Variants in TAMM41 observed in about 807,000 individuals in gnomAD.
The protein encoded by TAMM41 is TAM41 mitochondrial translocator assembly and maintenance homolog, also known as phosphatidate cytidylyltransferase, mitochondrial.
Under a neutral mutation model 44.1 loss-of-function variants are expected in TAMM41, and 36 were observed. The ratio of observed to expected loss-of-function variants is 0.82; its 90% confidence interval spans 0.63 to 1.08. The LOEUF is 1.08. Among genes scored for constraint, TAMM41 ranks in the 50% least tolerant of loss-of-function variants. The probability of loss-of-function intolerance (pLI) is 0.00; values close to 1 mark genes in which losing one functional copy is unlikely to be tolerated. For synonymous variants in TAMM41, 164 were observed against 153.1 expected (o/e 1.07, Z -0.53); for missense variants, 417 against 404.3 (o/e 1.03, Z -0.27).
At chr3:11,819,383 G>C (rs1331754864) in intron 4 of TAMM41, among the ~76,000 whole-genome samples, 1 of 152,202 alleles carries the variant, frequency 6.6e-6, no homozygotes, top group Non-Finnish European at 1.5e-5. Flanking sequence ...CAAAGACAGT[G>C]ATTAAGAAAC....
At chr3:11,762,184 G>A in the TAMM41 span, among the ~76,000 whole-genome samples, 1 of 152,052 alleles carries the variant, frequency 6.6e-6, no homozygotes, top group Non-Finnish European at 1.5e-5. Flanking sequence ...ACATGTTTCA[G>A]TATAGTGGGT....
intron 7 of TAMM41, among the ~76,000 whole-genome samples, chr3:11,803,681 A>C (rs2077820405): frequency 6.6e-6 from 1 of 152,260 alleles, no homozygotes; most frequent in South Asian, 2.1e-4. Context: ...CAAAGTGTCC[A>C]TCAATGGAGG....
chr3:11,829,898 C>T (rs751410764), intron 3 of TAMM41, 34 bp from the exon 4 acceptor site: 20 of 1,607,380 alleles, frequency 1.2e-5, no homozygotes, highest in Non-Finnish European at 1.1e-5. Flanking sequence ...AGAAAAATTC[C>T]AGAAGTGGAG....
chr3:11,760,645 C>A, the TAMM41 span, among the ~76,000 whole-genome samples: 11 of 152,052 alleles, frequency 7.2e-5, no homozygotes, highest in African/African-American at 2.7e-4. Context: ...ACTGCAACCT[C>A]CACCTCCCGG....
At chr3:11,838,240 A>C (rs1453043051) in intron 3 of TAMM41, among the ~76,000 whole-genome samples, 1 of 152,156 alleles carries the variant, frequency 6.6e-6, no homozygotes, top group East Asian at 1.9e-4. Context: ...TTTAAGACGG[A>C]GTCTCACTCT....
intron 2 of TAMM41, among the ~76,000 whole-genome samples, chr3:11,842,858 T>C (rs1453338865): frequency 6.6e-6 from 1 of 152,116 alleles, no homozygotes; most frequent in Non-Finnish European, 1.5e-5. Context: ...GAAACCCATA[T>C]GTCATCCCTG....
the TAMM41 span, among the ~76,000 whole-genome samples, chr3:11,722,377 G>T: frequency 6.6e-6 from 1 of 151,912 alleles, no homozygotes; most frequent in Non-Finnish European, 1.5e-5. Flanking sequence ...GTAAGAAAAA[G>T]GGGGGTTGTT....
chr3:11,827,559 T>C (rs2078806895), intron 4 of TAMM41, among the ~76,000 whole-genome samples: 1 of 150,164 alleles, frequency 6.7e-6, no homozygotes, highest in African/African-American at 2.5e-5. Flanking sequence ...TCTGCCTGCC[T>C]TGGCCTCTCA....
intron 4 of TAMM41, among the ~76,000 whole-genome samples, chr3:11,829,509 C>A (rs907405374): frequency 6.6e-6 from 1 of 152,112 alleles, no homozygotes; most frequent in African/African-American, 2.4e-5. Flanking sequence ...AACAAAATTA[C>A]CCTGGGACAA....
chr3:11,743,439 T>A, the TAMM41 span, among the ~76,000 whole-genome samples: 2 of 151,960 alleles, frequency 1.3e-5, no homozygotes, highest in Non-Finnish European at 2.9e-5. Flanking sequence ...GTTCAAATGA[T>A]TCTTGTGCCT....
intron 7 of TAMM41, among the ~76,000 whole-genome samples, chr3:11,804,494 T>A (rs936163756): frequency 7.2e-5 from 11 of 152,304 alleles, no homozygotes; most frequent in South Asian, 2.1e-4. Flanking sequence ...GGGAATTTTT[T>A]AAAAAGCTCC....
chr3:11,752,596 G>A, the TAMM41 span, among the ~76,000 whole-genome samples: 2 of 141,840 alleles, frequency 1.4e-5, no homozygotes, highest in Non-Finnish European at 3.0e-5. Flanking sequence ...AAGTCCAGCT[G>A]GCTTCACCTC....
the TAMM41 span, among the ~76,000 whole-genome samples, chr3:11,763,008 A>C: frequency 6.6e-6 from 1 of 152,258 alleles, no homozygotes; most frequent in Admixed American, 6.5e-5. Context: ...ACTGCACTCT[A>C]GCCGGGGCAA....
chr3:11,775,033 C>T, the TAMM41 span, among the ~76,000 whole-genome samples: 1 of 152,090 alleles, frequency 6.6e-6, no homozygotes, highest in African/African-American at 2.4e-5. Context: ...CCGTGCCCGG[C>T]TAATTTTTGT....
chr3:11,802,972 C>G (rs952899567), intron 7 of TAMM41, among the ~76,000 whole-genome samples: 4 of 152,058 alleles, frequency 2.6e-5, no homozygotes, highest in African/African-American at 9.7e-5. Flanking sequence ...TAAATAGATG[C>G]AGAAAAAGCA....
intron 4 of TAMM41, among the ~76,000 whole-genome samples, chr3:11,818,662 C>T (rs371385007): frequency 1.8e-4 from 28 of 152,102 alleles, no homozygotes; most frequent in Non-Finnish European, 3.5e-4. Context: ...TTTGGGAAGC[C>T]GAGGCAGGCG....
chr3:11,761,151 G>A, the TAMM41 span, among the ~76,000 whole-genome samples: 1 of 147,316 alleles, frequency 6.8e-6, no homozygotes, highest in Admixed American at 6.8e-5. Context: ...TTGGGTGACA[G>A]CAAGACTCTG....
At chr3:11,798,810 A>G (rs867766538) in intron 7 of TAMM41, among the ~76,000 whole-genome samples, 1 of 152,192 alleles carries the variant, frequency 6.6e-6, no homozygotes, top group African/African-American at 2.4e-5. Flanking sequence ...CACTATTCAA[A>G]TATGACATTG....
intron 4 of TAMM41, among the ~76,000 whole-genome samples, chr3:11,819,613 G>A (rs1215065514): frequency 6.6e-6 from 1 of 152,178 alleles, no homozygotes; most frequent in Non-Finnish European, 1.5e-5. Context: ...AAGTATAACA[G>A]GCTGGGCATG....
Sources: gnomAD v4.1 joint callset for allele counts (sites outside exome capture counted in the v4.1 genomes callset) on GRCh38, gnomAD v4.1.1 for gene constraint, MANE v1.5 for transcripts, NCBI Gene and HGNC (gene_info 2026-07-23, HGNC 2026-07-21) for gene names.